The following CACNA1B variants were observed in gnomAD, a reference collection of about 807,000 sequenced individuals.
CACNA1B encodes calcium voltage-gated channel subunit alpha1 B.
Under a neutral mutation model 247.2 loss-of-function variants are expected in CACNA1B, and 70 were observed. The observed-to-expected ratio is 0.28, with a 90% CI of 0.23 to 0.35. The LOEUF is 0.35. Ranked by LOEUF, CACNA1B falls within the 10% of genes least tolerant of loss-of-function variation. The probability of loss-of-function intolerance (pLI) is 1.00; values close to 1 mark genes in which losing one functional copy is unlikely to be tolerated. For synonymous variants in CACNA1B, 1,231 were observed against 1,294.4 expected (o/e 0.95, Z 1.05); for missense variants, 2,367 against 3,197.4 (o/e 0.74, Z 6.26).
At chr9:137,949,831 C>T (rs2133334466) in intron 6 of CACNA1B, among the ~76,000 whole-genome samples, 1 of 152,262 alleles carries the variant, frequency 6.6e-6, no homozygotes, top group East Asian at 1.9e-4. Context: ...AATCTCATCT[C>T]AGAGCACCTT....
chr9:137,918,170 C>T (rs1589005046), intron 6 of CACNA1B, among the ~76,000 whole-genome samples: 1 of 152,132 alleles, frequency 6.6e-6, no homozygotes, highest in Non-Finnish European at 1.5e-5. Context: ...TTTACGGCAG[C>T]CTGGATTTGG....
intron 12 of CACNA1B, among the ~76,000 whole-genome samples, chr9:137,978,325 TC>T (rs372073645): frequency 4.3e-4 from 41 of 94,354 alleles, no homozygotes; most frequent in African/African-American, 1.5e-3. Flanking sequence ...TGGGAGCACT[TC>T]CCCCCCCAGG....
Position 138,121,841 on chromosome 9 carries a change from T to C in CACNA1B, c.6862T>C (p.Ser2288Pro), listed in dbSNP as rs1962113212. 1.2e-6 allele frequency: 2 copies of C among 1,613,150 alleles called. No individual in the cohort carries two copies. The highest frequency in any genetic ancestry group is 8.5e-7 in the Non-Finnish European group (1 of 1,179,854). ...LTFEEAVATNSGRSSRTSYVS... is the reference protein window; with the variant it reads ...LTFEEAVATNPGRSSRTSYVS... ...TTTCGAGGAGGCTGTGGCCACCAAC[T>C]CGGGCCGCTCCTCCAGGACTTCCTA... The change falls in exon 47 of 47, where the codon TCG (serine) becomes CCG (proline). Residue 2288 changes from serine to proline, a missense_variant. Physicochemically the swap from Ser to Pro is moderately conservative, Grantham distance 74. Transcript: ENST00000371372. This position sits in a 1 kb window ranked among gnomAD's most constrained non-coding sequence, Gnocchi z 6.8.
intron 12 of CACNA1B, among the ~76,000 whole-genome samples, chr9:137,981,038 A>G (rs1318956514): frequency 1.3e-5 from 2 of 152,232 alleles, no homozygotes; most frequent in Non-Finnish European, 2.9e-5. Context: ...GCTGGATCAA[A>G]TGGTAGTTCT....
intron 36 of CACNA1B, 82 bp from the exon 37 acceptor site, chr9:138,096,402 A>G (rs1961057297): frequency 8.3e-7 from 1 of 1,197,810 alleles, no homozygotes; most frequent in East Asian, 2.3e-5. Flanking sequence ...AGAGCTTCAC[A>G]CACACTGGAG....
intron 3 of CACNA1B, among the ~76,000 whole-genome samples, chr9:137,907,924 G>A (rs1588997517): frequency 6.6e-6 from 1 of 152,244 alleles, no homozygotes; most frequent in Non-Finnish European, 1.5e-5. Flanking sequence ...ACATCATTTG[G>A]CGGCTGCTCC....
intron 10 of CACNA1B, among the ~76,000 whole-genome samples, chr9:137,961,964 A>G (rs181006395): frequency 8.2e-4 from 125 of 152,214 alleles, no homozygotes; most frequent in Middle Eastern, 3.4e-3. Context: ...ATACCAGCTC[A>G]TCTTTGTACC....
Position 137,918,549 on chromosome 9 carries a change from G to A in CACNA1B, c.966+1118G>A, listed in dbSNP as rs114071230. 4.8e-3 allele frequency among the ~76,000 whole-genome samples: 726 copies of A among 152,218 alleles called. 8 individuals carry two copies. Among genetic ancestry groups the A allele is most frequent in the African/African-American group, 0.016 (677 of 41,526 alleles). ...GGAGTGCAAGGTGCTTTCACCTAGA[G>A]CTTGTTACTTGTGCCCTGGGGTGAA... On this transcript the variant is annotated intron_variant, in intron 6 of 46. Coordinates refer to ENST00000371372, the MANE Select transcript of CACNA1B (RefSeq NM_000718.4).
At position 138,121,944 on chromosome 9, in the gene CACNA1B, C is replaced by T. The variant is rs200832957; in HGVS notation, c.6965C>T (p.Ser2322Leu). 1.1e-5 allele frequency: 17 copies of T among 1,606,410 alleles called. No individual in the cohort carries two copies. Among genetic ancestry groups the T allele is most frequent in the Admixed American group, 3.3e-5 (2 of 60,010 alleles). ...TACCACTGCACCCTGGGACTCAGCT[C>T]GGGTGGCCGAGCACGGCACAGCTAC... ...NGYHCTLGLS[S>L]GGRARHSYHH... The change falls in exon 47 of 47, where the codon TCG becomes TTG. Residue 2322 changes from serine (S) to leucine (L), a missense_variant. Transcript: ENST00000371372. The surrounding 1 kb of genome is among the most constrained non-coding windows in gnomAD (Gnocchi z 6.8).
At chr9:138,028,870 T>A (rs548280552) in intron 20 of CACNA1B, among the ~76,000 whole-genome samples, 12 of 152,316 alleles carry the variant, frequency 7.9e-5, no homozygotes, top group South Asian at 2.1e-4. Context: ...GCTCTAAAAG[T>A]TCCCAGAGTT....
chr9:138,082,867 C>T (rs1027531429), intron 36 of CACNA1B, among the ~76,000 whole-genome samples: 3 of 150,900 alleles, frequency 2.0e-5, no homozygotes, highest in African/African-American at 7.4e-5. Context: ...AACAGAGACA[C>T]TGGTGAGCAC....
At chr9:137,895,876 T>C (rs1237420433) in intron 3 of CACNA1B, among the ~76,000 whole-genome samples, 1 of 152,148 alleles carries the variant, frequency 6.6e-6, no homozygotes, top group Non-Finnish European at 1.5e-5. Flanking sequence ...TGAAGAGTGG[T>C]GTGGCGAGAG....
At chr9:138,096,370 C>G in intron 36 of CACNA1B, 114 bp from the exon 37 acceptor site, 1 of 847,286 alleles carries the variant, frequency 1.2e-6, no homozygotes, top group Non-Finnish European at 1.9e-6. Flanking sequence ...CTGGTCAAAT[C>G]AGAGTGACCC....
At chr9:138,080,825 G>A (rs1960499232) in intron 36 of CACNA1B, among the ~76,000 whole-genome samples, 1 of 152,216 alleles carries the variant, frequency 6.6e-6, no homozygotes, top group African/African-American at 2.4e-5. Context: ...GCTGATGGCG[G>A]ACTGTGAGCT....
intron 6 of CACNA1B, among the ~76,000 whole-genome samples, chr9:137,944,055 A>C (rs965675298): frequency 6.6e-6 from 1 of 152,170 alleles, no homozygotes; most frequent in African/African-American, 2.4e-5. Context: ...CATTGTCCTT[A>C]TGGCCCTTTG....
chr9:137,916,455 C>G (rs1457630193), intron 5 of CACNA1B, among the ~76,000 whole-genome samples: 1 of 152,110 alleles, frequency 6.6e-6, no homozygotes, highest in Non-Finnish European at 1.5e-5. Context: ...TTTCTTTAAC[C>G]CCTCTTTCTC....
At chr9:138,119,969 G>C (rs535452577) in intron 44 of CACNA1B, among the ~76,000 whole-genome samples, 196 bp from the exon 45 acceptor site, 24 of 152,262 alleles carry the variant, frequency 1.6e-4, no homozygotes, top group African/African-American at 5.3e-4. Flanking sequence ...ATGGGATGGG[G>C]CGGGGACTCA....
chr9:138,054,446 A>C lies in CACNA1B; in HGVS notation c.3968+440A>C, dbSNP rs1959418180. ...GCCCAGCGCTGCCTCCAAAGTAGACAGGAGAGGGGCCCTTGGGGAAGAGCT... is the reference window on the plus strand; with the variant it reads ...GCCCAGCGCTGCCTCCAAAGTAGACCGGAGAGGGGCCCTTGGGGAAGAGCT... On this transcript the variant is annotated intron_variant, in intron 26 of 46. Coordinates refer to ENST00000371372, the MANE Select transcript of CACNA1B (RefSeq NM_000718.4). The surrounding 1 kb of genome is among the most constrained non-coding windows in gnomAD (Gnocchi z 4.6). 6.6e-6 allele frequency among the ~76,000 whole-genome samples: 1 copy of C among 152,222 alleles called. No individual in the cohort carries two copies. The highest frequency in any genetic ancestry group is 2.4e-5 in the African/African-American group (1 of 41,454).
At chr9:137,959,739 A>G (rs1174253792) in intron 10 of CACNA1B, among the ~76,000 whole-genome samples, 1 of 152,114 alleles carries the variant, frequency 6.6e-6, no homozygotes, top group African/African-American at 2.4e-5. Context: ...TGCCTCATTC[A>G]GCAGATGTCT....
Sources: gnomAD v4.1 joint callset for allele counts (sites outside exome capture counted in the v4.1 genomes callset) on GRCh38, gnomAD v4.1.1 for gene constraint, Gnocchi (gnomAD v3.1) non-coding constraint, MANE v1.5 for transcripts, NCBI Gene and HGNC (gene_info 2026-07-23, HGNC 2026-07-21) for gene names.